PARPBP: variants seen among roughly 807,000 people sequenced by gnomAD.
The protein encoded by PARPBP is PCNA-interacting partner.
Under a neutral mutation model 50.0 loss-of-function variants are expected in PARPBP, and 52 were observed. The observed-to-expected ratio is 1.04, with a 90% confidence interval of 0.83 to 1.31. The LOEUF (loss-of-function observed/expected upper bound fraction) is 1.31. Ranked by LOEUF, PARPBP falls within the 50% of genes most tolerant of loss-of-function variation. The pLI, the probability that PARPBP is intolerant of heterozygous loss-of-function variation, is 0.00. For synonymous variants in PARPBP, 244 were observed against 232.1 expected (o/e 1.05, Z -0.47); for missense variants, 697 against 672.0 (o/e 1.04, Z -0.41).
intron 2 of PARPBP, among the ~76,000 whole-genome samples, chr12:102,137,599 C>CA (rs2137851973): frequency 6.6e-6 from 1 of 151,990 alleles, no homozygotes; most frequent in Non-Finnish European, 1.5e-5. Flanking sequence ...TGGTGTGCTG[C>CA]ACCCATTAAC....
chr12:102,122,666 A>G (rs1881339360), intron 1 of PARPBP, among the ~76,000 whole-genome samples: 1 of 152,220 alleles, frequency 6.6e-6, no homozygotes, highest in African/African-American at 2.4e-5. Context: ...AATTATTTTG[A>G]AAGGCTTTTG....
At chr12:102,123,676 G>A (rs1389374354) in intron 1 of PARPBP, among the ~76,000 whole-genome samples, 1 of 151,948 alleles carries the variant, frequency 6.6e-6, no homozygotes, top group Non-Finnish European at 1.5e-5. Context: ...CAGAAGGTTT[G>A]GCTTAAGAAA....
intron 2 of PARPBP, among the ~76,000 whole-genome samples, chr12:102,134,046 A>C (rs1288802358): frequency 6.6e-6 from 1 of 151,960 alleles, no homozygotes; most frequent in Non-Finnish European, 1.5e-5. Context: ...ATTACACCAA[A>C]AGAAACTAGG....
chr12:102,145,411 T>A (rs1885210880), intron 2 of PARPBP, among the ~76,000 whole-genome samples: 1 of 152,144 alleles, frequency 6.6e-6, no homozygotes, highest in African/African-American at 2.4e-5. Flanking sequence ...GTACTCATGG[T>A]GTATTAAAAA....
intron 2 of PARPBP, among the ~76,000 whole-genome samples, chr12:102,126,500 G>A (rs1311469155): frequency 6.6e-6 from 1 of 152,326 alleles, no homozygotes; most frequent in South Asian, 2.1e-4. Context: ...AGTTGTAACA[G>A]ATGGGGCCGG....
intron 2 of PARPBP, among the ~76,000 whole-genome samples, chr12:102,140,380 C>T (rs1479668328): frequency 6.6e-6 from 1 of 152,004 alleles, no homozygotes; most frequent in African/African-American, 2.4e-5. Flanking sequence ...CTCTTTTCTT[C>T]TTTATTAGTC....
intron 2 of PARPBP, among the ~76,000 whole-genome samples, chr12:102,127,684 A>G (rs2137197975): frequency 6.6e-6 from 1 of 152,326 alleles, no homozygotes; most frequent in Middle Eastern, 3.4e-3. Flanking sequence ...ATTGTAAACC[A>G]CCAGTAGAAT....
At chr12:102,179,964 A>G (rs7131806) in intron 8 of PARPBP, among the ~76,000 whole-genome samples, 29 of 152,116 alleles carry the variant, frequency 1.9e-4, no homozygotes, top group African/African-American at 7.0e-4. Flanking sequence ...TGGCTTCATG[A>G]TTGCTTCACA....
chr12:102,124,768 C>T (rs1038801703), intron 2 of PARPBP, among the ~76,000 whole-genome samples: 7 of 152,056 alleles, frequency 4.6e-5, no homozygotes, highest in African/African-American at 1.7e-4. Context: ...GTCTGTTGGG[C>T]TAGATATTGA....
intron 6 of PARPBP, among the ~76,000 whole-genome samples, chr12:102,170,540 A>G (rs940272639): frequency 1.3e-5 from 2 of 152,236 alleles, no homozygotes; most frequent in Admixed American, 1.3e-4. Context: ...AGTATAAAAC[A>G]TAAACATAGA....
intron 2 of PARPBP, among the ~76,000 whole-genome samples, chr12:102,139,709 TG>T: frequency 6.6e-6 from 1 of 152,258 alleles, no homozygotes; most frequent in East Asian, 1.9e-4. Flanking sequence ...TTGAATTTTG[TG>T]GAAGGCCTTT....
At position 102,155,853 on chromosome 12, in the gene PARPBP, C is replaced by T. The variant is rs190383845; in HGVS notation, c.495+1877C>T. On this transcript the variant is annotated intron_variant, in intron 4 of 10. Coordinates refer to ENST00000327680, the MANE Select transcript of PARPBP (RefSeq NM_017915.5). Reference sequence around the variant, plus strand: ...CCGCTGTGCTCCTGATCTAGCCAGGCGCTCATTGCTGCTCCCAAGCGGCTA... The same window carrying T: ...CCGCTGTGCTCCTGATCTAGCCAGGTGCTCATTGCTGCTCCCAAGCGGCTA... 1.4e-4 allele frequency among the ~76,000 whole-genome samples: 22 copies of T among 152,312 alleles called. 1 individual carries two copies. The highest frequency in any genetic ancestry group is 9.6e-4 in the East Asian group (5 of 5,182).
chr12:102,175,084 T>C, intron 6 of PARPBP, among the ~76,000 whole-genome samples: 1 of 152,226 alleles, frequency 6.6e-6, no homozygotes, highest in African/African-American at 2.4e-5. Context: ...ATCAACTTAC[T>C]GAATTGGTTT....
intron 9 of PARPBP, among the ~76,000 whole-genome samples, chr12:102,186,221 G>C (rs1179260047): frequency 6.6e-6 from 1 of 151,568 alleles, no homozygotes; most frequent in Non-Finnish European, 1.5e-5. Context: ...TTTTTTCTTA[G>C]TCTAGCTAAT....
At chr12:102,166,545 G>T (rs567388619) in intron 6 of PARPBP, among the ~76,000 whole-genome samples, 1 of 152,232 alleles carries the variant, frequency 6.6e-6, no homozygotes, top group Admixed American at 6.5e-5. Flanking sequence ...GTCAGACATT[G>T]TGCTAAGTTC....
At chr12:102,133,616 G>A (rs1365652034) in intron 2 of PARPBP, among the ~76,000 whole-genome samples, 1 of 151,894 alleles carries the variant, frequency 6.6e-6, no homozygotes, top group East Asian at 1.9e-4. Context: ...TAGTGTCCTA[G>A]TGTGGCTTTG....
intron 2 of PARPBP, 96 bp downstream of exon 2, chr12:102,124,137 T>C: frequency 1.2e-6 from 1 of 810,300 alleles, no homozygotes; most frequent in East Asian, 2.7e-5. Flanking sequence ...TTAATTTCTT[T>C]ACATTATGTG....
At chr12:102,175,366 A>G in intron 6 of PARPBP, 117 bp from the exon 7 acceptor site, 1 of 589,772 alleles carries the variant, frequency 1.7e-6, no homozygotes, top group Non-Finnish European at 2.8e-6. Flanking sequence ...TGTTTGATAT[A>G]TAAGATCAAA....
intron 4 of PARPBP, chr12:102,154,765 T>C (rs1332810420): frequency 4.6e-6 from 2 of 430,364 alleles, no homozygotes; most frequent in Admixed American, 5.8e-5. Flanking sequence ...CAAAGCTGTC[T>C]TTTGTGGAGG....
Sources: gnomAD v4.1 joint callset for allele counts (sites outside exome capture counted in the v4.1 genomes callset) on GRCh38, gnomAD v4.1.1 for gene constraint, MANE v1.5 for transcripts, NCBI Gene and HGNC (gene_info 2026-07-23, HGNC 2026-07-21) for gene names.